The following SLC11A2 variants were observed in gnomAD, a reference collection of about 807,000 sequenced individuals.
SLC11A2 encodes the protein natural resistance-associated macrophage protein 2.
Under a neutral mutation model 68.0 loss-of-function variants are expected in SLC11A2, and 38 were observed. That is an observed-to-expected ratio of 0.56 (90% CI 0.43 to 0.73). SLC11A2 has a LOEUF of 0.73. Ranked by LOEUF, SLC11A2 falls within the 30% of genes least tolerant of loss-of-function variation. The pLI is 0.00. For synonymous variants in SLC11A2, 242 were observed against 250.6 expected (o/e 0.97, Z 0.32); for missense variants, 517 against 690.5 (o/e 0.75, Z 2.82).
chr12:51,006,000 AAC>A (rs1942689703), intron 3 of SLC11A2, among the ~76,000 whole-genome samples: 1 of 152,292 alleles, frequency 6.6e-6, no homozygotes, highest in African/African-American at 2.4e-5. Flanking sequence ...CCAGCATTAA[AAC>A]AGAGATCTTG....
intron 1 of SLC11A2, chr12:51,025,836 TATA>T (rs1944345378): frequency 2.0e-6 from 2 of 987,942 alleles, no homozygotes; most frequent in East Asian, 2.3e-4. Context: ...TCGGTTAGGT[TATA>T]ATGAGTCTTT....
At chr12:50,957,804 G>T in the SLC11A2 span, among the ~76,000 whole-genome samples, 1 of 151,998 alleles carries the variant, frequency 6.6e-6, no homozygotes, top group East Asian at 1.9e-4. Flanking sequence ...AGAATCGCTT[G>T]AACCCTGGAG....
chr12:50,989,693 C>T (rs1282022377), intron 15 of SLC11A2, among the ~76,000 whole-genome samples: 1 of 152,126 alleles, frequency 6.6e-6, no homozygotes, highest in Non-Finnish European at 1.5e-5. Flanking sequence ...AGGGTCAGTA[C>T]AGTCTTTGTG....
chr12:50,988,511 G>A, intron 15 of SLC11A2, 76 bp from the exon 16 acceptor site: 1 of 1,600,368 alleles, frequency 6.2e-7, no homozygotes. Context: ...CTTCTCAAAT[G>A]CAAACCTGCT....
At chr12:50,976,896 T>G (rs1322429830), downstream of SLC11A2, among the ~76,000 whole-genome samples, 1 of 152,116 alleles carries the variant, frequency 6.6e-6, no homozygotes, top group Non-Finnish European at 1.5e-5. Context: ...CCATTCACAA[T>G]TGCTTCAAAG....
intron 1 of SLC11A2, among the ~76,000 whole-genome samples, chr12:51,017,705 T>C (rs935974270): frequency 2.0e-5 from 3 of 152,196 alleles, no homozygotes; most frequent in Admixed American, 6.5e-5. Flanking sequence ...GCTTCTGCAA[T>C]AGATAATCAG....
the SLC11A2 span, among the ~76,000 whole-genome samples, chr12:50,968,119 G>C: frequency 6.6e-6 from 1 of 151,926 alleles, no homozygotes; most frequent in Non-Finnish European, 1.5e-5. Context: ...AGGAGGAGGA[G>C]GAGGAGGAGA....
At chr12:50,971,438 T>C in the SLC11A2 span, among the ~76,000 whole-genome samples, 1 of 152,210 alleles carries the variant, frequency 6.6e-6, no homozygotes, top group Admixed American at 6.5e-5. Flanking sequence ...TTAAAGTAGT[T>C]CTAGGAATAC....
chr12:51,012,206 T>C (rs778613632), intron 1 of SLC11A2, among the ~76,000 whole-genome samples: 20 of 152,128 alleles, frequency 1.3e-4, no homozygotes, highest in Non-Finnish European at 2.6e-4. Flanking sequence ...CAACCCGCAG[T>C]GGGGCGGGTG....
upstream of SLC11A2, among the ~76,000 whole-genome samples, chr12:51,027,572 A>G (rs1282223976): frequency 6.6e-6 from 1 of 151,984 alleles, no homozygotes; most frequent in African/African-American, 2.4e-5. Context: ...CCCAAAAGCA[A>G]TCCCACTCTA....
chr12:51,009,110 G>A (rs1942992127), intron 2 of SLC11A2: 3 of 1,462,986 alleles, frequency 2.1e-6, no homozygotes, highest in Non-Finnish European at 2.8e-6. Flanking sequence ...TATTTGGTAG[G>A]ACTTACTCAA....
At chr12:51,024,321 A>G (rs1253410605) in intron 1 of SLC11A2, 3 of 152,234 alleles carry the variant, frequency 2.0e-5, no homozygotes, top group Non-Finnish European at 4.4e-5. Context: ...CATGGTGAGG[A>G]GGCAGAGAAT....
At chr12:51,028,843 C>T (rs571867129), upstream of SLC11A2, among the ~76,000 whole-genome samples, 1 of 152,230 alleles carries the variant, frequency 6.6e-6, no homozygotes, top group African/African-American at 2.4e-5. Context: ...CACGAGCAGA[C>T]ATCAGAGCCA....
At chr12:50,962,256 CAA>C in the SLC11A2 span, among the ~76,000 whole-genome samples, 1 of 141,804 alleles carries the variant, frequency 7.1e-6, no homozygotes, top group South Asian at 2.4e-4. Context: ...CACACACACA[CAA>C]AATAGCTGGG....
chr12:50,994,455 C>T, intron 11 of SLC11A2, 89 bp downstream of exon 11: 2 of 827,138 alleles, frequency 2.4e-6, no homozygotes, highest in Non-Finnish European at 4.3e-6. Context: ...GAGATATGCT[C>T]ATATCTGAAG....
At chr12:50,981,673 G>T, downstream of SLC11A2, 1 of 1,197,206 alleles carries the variant, frequency 8.4e-7, no homozygotes, top group Non-Finnish European at 1.2e-6. Flanking sequence ...GGGACACCTG[G>T]CACAAAAAGG....
rs181773015 is a variant in SLC11A2 at position 50,991,374 on chromosome 12, T to C, written c.1421+225A>G. On this transcript the variant is annotated intron_variant, in intron 14 of 15. Coordinates refer to ENST00000262052, the MANE Select transcript of SLC11A2 (RefSeq NM_000617.3). ...TTCAGTGGCTGAAGCTGAAGAGTTA[T>C]GCTGTAAAAGCTGAACTTTCTCTCC... is the stretch of plus-strand genomic sequence containing the variant. 286 of 586,182 alleles carry C rather than the reference T, an allele frequency of 4.9e-4. 1 individual carries two copies. Among genetic ancestry groups the C allele is most frequent in the Middle Eastern group, 2.8e-3 (6 of 2,164 alleles). The allele number at this position is 586,182 out of a possible 1,614,324, so 36.3% of individuals were successfully genotyped here. A position where few individuals can be genotyped will look rare whatever the true frequency, so the allele number is the denominator to read the frequency against.
At position 50,996,976 on chromosome 12, in the gene SLC11A2, C is replaced by T. The variant is rs769891563; in HGVS notation, c.676-4G>A. ...GGCTGGGTTTCACTGTAACATACTACATACCAACATAACAATGATTAGCCT... is the reference window on the plus strand; with the variant it reads ...GGCTGGGTTTCACTGTAACATACTATATACCAACATAACAATGATTAGCCT... On this transcript the variant is annotated splice_polypyrimidine_tract_variant and splice_region_variant and intron_variant, in intron 8 of 15. Transcript: ENST00000262052. The T allele has an allele frequency of 1.9e-6, 3 of 1,613,244 alleles. No individual in the cohort carries two copies. The East Asian group carries it at 6.7e-5, about 36-fold the overall frequency.
In SLC11A2 at chr12:50,988,089, T is replaced by C. The variant is rs1219702138; in HGVS notation, c.*236A>G. ...ACTTAAGAATTTAGTGTTGGAATGA[T>C]AGCAGCAAATGTCAGCTTTTCAAAG... On this transcript the variant is annotated 3_prime_UTR_variant, in exon 16 of 16. Coordinates refer to ENST00000262052, the MANE Select transcript of SLC11A2 (RefSeq NM_000617.3). The C allele has an allele frequency of 5.5e-6, 8 of 1,457,794 alleles. No homozygotes were observed. Among genetic ancestry groups the C allele is most frequent in the East Asian group, 5.9e-5 (2 of 33,964 alleles). 90.3% of individuals were successfully genotyped at this position (1,457,794 alleles called of 1,614,324 possible).
Sources: gnomAD v4.1 joint callset for allele counts (sites outside exome capture counted in the v4.1 genomes callset) on GRCh38, gnomAD v4.1.1 for gene constraint, MANE v1.5 for transcripts, NCBI Gene and HGNC (gene_info 2026-07-23, HGNC 2026-07-21) for gene names.